The following NADK variants were observed in gnomAD, a reference collection of about 807,000 sequenced individuals.
NADK encodes the protein poly(P)/ATP NAD kinase.
A neutral mutation model predicts 49.8 loss-of-function variants in NADK; 22 were observed. The observed-to-expected ratio is 0.44, with a 90% CI of 0.32 to 0.63. The LOEUF (loss-of-function observed/expected upper bound fraction) is 0.63. Ranked by LOEUF, NADK falls within the 30% of genes least tolerant of loss-of-function variation. The probability of loss-of-function intolerance (pLI) is 0.06; values close to 1 mark genes in which losing one functional copy is unlikely to be tolerated. For missense variants in NADK, 438 were observed against 609.4 expected (o/e 0.72, Z 2.96); for synonymous variants, 268 against 253.7 (o/e 1.06, Z -0.54).
upstream of NADK, among the ~76,000 whole-genome samples, chr1:1,779,667 T>TTGTGTGTGTGTGTGTG (rs34618817): frequency 6.7e-6 from 1 of 148,598 alleles, no homozygotes; most frequent in African/African-American, 2.5e-5. Flanking sequence ...ATATATATAT[T>TTGTGTGTGTGTGTGTG]TGTGTGTGTG....
rs950252701 is a variant in NADK, at chr1:1,754,096, C to T, written c.1056G>A (p.Ser352=). Residue 352 remains serine (S), a synonymous_variant, in exon 10 of 12, where the codon TCG becomes TCA. Coordinates refer to ENST00000341426, the MANE Select transcript of NADK (RefSeq NM_023018.5). The surrounding 1 kb of genome is among the most constrained non-coding windows in gnomAD (Gnocchi z 4.3). ...GGACCACGATGGGCCGGAAGGACAG[C>T]GAGTGGGGGCAGATGGGCGTGATCA... ...AIMITPICPH[S]LSFRPIVVPA... 8 of 1,605,066 alleles carry T rather than the reference C, an allele frequency of 5.0e-6. No individual in the cohort carries two copies. The highest frequency in any genetic ancestry group is 1.3e-5 in the African/African-American group (1 of 74,532).
chr1:1,778,207 C>G lies in NADK; in HGVS notation c.-41+82G>C, dbSNP rs1473074931. ...GCAGGGCCGGCCTGGTGTCTCCCCG[C>G]CTGGCCGCGCGCTCGCGGGCAGCGA... On this transcript the variant is annotated intron_variant, in intron 1 of 11. Coordinates refer to ENST00000341426, the MANE Select transcript of NADK (RefSeq NM_023018.5). This position sits in a 1 kb window ranked among gnomAD's most constrained non-coding sequence, Gnocchi z 4.9. The G allele has an allele frequency of 2.0e-5, 3 of 152,244 alleles. No individual in the cohort carries two copies. The highest frequency in any genetic ancestry group is 4.4e-5 in the Non-Finnish European group (3 of 68,076). 9.4% of individuals were successfully genotyped at this position (152,244 alleles called of 1,614,324 possible).
intron 1 of NADK, among the ~76,000 whole-genome samples, chr1:1,768,049 T>G (rs1399485257): frequency 6.6e-6 from 1 of 151,568 alleles, no homozygotes; most frequent in Admixed American, 6.6e-5. Flanking sequence ...CGGGCGCCTG[T>G]AATCCTAGCT....
chr1:1,754,797 T>A lies in NADK; in HGVS notation c.689-99A>T. ...CAGTGGGAGTCAGAGGGCTCTTTCT[T>A]CTCCCAAGTTGACACACTTCTGTGC... On this transcript the variant is annotated intron_variant, in intron 7 of 11. Transcript: ENST00000341426. This position sits in a 1 kb window ranked among gnomAD's most constrained non-coding sequence, Gnocchi z 4.3. 1 of 1,131,338 alleles carries A rather than the reference T, an allele frequency of 8.8e-7. No individual in the cohort carries two copies. The highest frequency in any genetic ancestry group is 1.3e-6 in the Non-Finnish European group (1 of 797,292). 70.1% of individuals were successfully genotyped at this position (1,131,338 alleles called of 1,614,324 possible).
chr1:1,775,878 G>A (rs1646196258), intron 1 of NADK, among the ~76,000 whole-genome samples: 1 of 152,308 alleles, frequency 6.6e-6, no homozygotes, highest in Non-Finnish European at 1.5e-5. Context: ...AGCACAGAGA[G>A]TAGAAATGAA....
chr1:1,753,078 C>T lies in NADK; in HGVS notation c.1185-18G>A. The T allele has an allele frequency of 6.3e-7, 1 of 1,596,442 alleles. No homozygotes were observed. The highest frequency in any genetic ancestry group is 1.7e-5 in the Admixed American group (1 of 58,576). On this transcript the variant is annotated intron_variant, in intron 11 of 11. Transcript: ENST00000341426. ...TGCTGATGCTGGGACGGGAGAGCAG[C>T]AGCCTGAGCCAGGGCTTCCAGAAAG...
rs368298317 is a variant in NADK, at chr1:1,757,362, A to C, written c.264-52T>G. On this transcript the variant is annotated intron_variant, in intron 3 of 11. Transcript: ENST00000341426. ...ACCAGCTGCGATCTCCCTCTTGCGGAAAAGGTGTATGACTTAGAAAATAAA... is the reference window on the plus strand; with the variant it reads ...ACCAGCTGCGATCTCCCTCTTGCGGCAAAGGTGTATGACTTAGAAAATAAA... 670 of 1,471,110 alleles carry C rather than the reference A, an allele frequency of 4.6e-4. 3 individuals carry two copies. In the African/African-American group the frequency reaches 7.7e-3, roughly 17 times the overall value. The allele number at this position is 1,471,110 out of a possible 1,614,324, so 91.1% of individuals were successfully genotyped here. A position where few individuals can be genotyped will look rare whatever the true frequency, so the allele number is the denominator to read the frequency against.
At chr1:1,770,687 G>A (rs527791426) in intron 1 of NADK, among the ~76,000 whole-genome samples, 26 of 152,076 alleles carry the variant, frequency 1.7e-4, no homozygotes, top group Middle Eastern at 3.4e-3. Context: ...AGCGGAGATC[G>A]CACCACTGCA....
chr1:1,764,979 T>C (rs1302572417), intron 2 of NADK, among the ~76,000 whole-genome samples: 2 of 152,196 alleles, frequency 1.3e-5, no homozygotes, highest in Non-Finnish European at 2.9e-5. Flanking sequence ...GGTTCTGTGC[T>C]GATACAGACA....
At position 1,752,587 on chromosome 1, in the gene NADK, G is replaced by A. The variant is rs1177672994; in HGVS notation, c.*317C>T. Reference sequence around the variant, plus strand: ...ATTCTGACTCCTCTGAATTTCAACCGACTGATTTGCGGAAAAATATCCTGG... The same window carrying A: ...ATTCTGACTCCTCTGAATTTCAACCAACTGATTTGCGGAAAAATATCCTGG... On this transcript the variant is annotated 3_prime_UTR_variant, in exon 12 of 12. Coordinates refer to ENST00000341426, the MANE Select transcript of NADK (RefSeq NM_023018.5). 7.3e-6 allele frequency: 2 copies of A among 275,402 alleles called. No individual in the cohort carries two copies. Among genetic ancestry groups the A allele is most frequent in the Middle Eastern group, 1.1e-3 (1 of 944 alleles). The allele number at this position is 275,402 out of a possible 1,614,324, so 17.1% of individuals were successfully genotyped here.
At chr1:1,758,709 T>C in intron 3 of NADK, 1 of 1,362,788 alleles carries the variant, frequency 7.3e-7, no homozygotes, top group Non-Finnish European at 9.6e-7. Flanking sequence ...ATTGGTCACA[T>C]GGTCCTCCTG....
intron 2 of NADK, 38 bp downstream of exon 2, chr1:1,765,190 A>C: frequency 6.6e-7 from 1 of 1,518,620 alleles, no homozygotes; most frequent in Non-Finnish European, 8.9e-7. Flanking sequence ...ATGAAATCAG[A>C]CGAGAAAAAA....
intron 6 of NADK, among the ~76,000 whole-genome samples, chr1:1,755,828 G>A (rs561717021): frequency 1.9e-4 from 29 of 152,276 alleles, no homozygotes; most frequent in South Asian, 1.0e-3. Flanking sequence ...AAAGCAGGGC[G>A]GGCTGCGGGC....
In NADK at chr1:1,754,237, C is replaced by T. The variant is rs760815953; in HGVS notation, c.944-29G>A. On this transcript the variant is annotated intron_variant, in intron 9 of 11. Transcript: ENST00000341426. This position sits in a 1 kb window ranked among gnomAD's most constrained non-coding sequence, Gnocchi z 4.3. ...ACAGGGACAGGCGCAGGCGTCACTC[C>T]CGCCCGAGGGACGCTCAGGGCCCCA... 3 of 1,613,024 alleles carry T rather than the reference C, an allele frequency of 1.9e-6. No individual in the cohort carries two copies. Among genetic ancestry groups the T allele is most frequent in the South Asian group, 1.1e-5 (1 of 91,072 alleles).
Position 1,757,311 on chromosome 1 carries a change from C to T in NADK, c.264-1G>A, listed in dbSNP as rs1441715514. 1 of 1,612,608 alleles carries T rather than the reference C, an allele frequency of 6.2e-7. No homozygotes were observed. The highest frequency in any genetic ancestry group is 2.2e-5 in the East Asian group (1 of 44,858). ...CTGGCTCGCGGGGTCCTGAATGTGC[C>T]TTTAGGGGAGGAGAAAAGAGTTCAC... On this transcript the variant is annotated splice_acceptor_variant, in intron 3 of 11. Coordinates refer to ENST00000341426, the MANE Select transcript of NADK (RefSeq NM_023018.5). LOFTEE classifies it high-confidence loss of function.
intron 6 of NADK, among the ~76,000 whole-genome samples, chr1:1,755,810 T>C (rs921947336): frequency 2.6e-5 from 4 of 151,880 alleles, no homozygotes; most frequent in African/African-American, 9.7e-5. Context: ...AATGGGGAGA[T>C]GGGGAGAAAA....
At chr1:1,759,888 G>C (rs890529649) in intron 3 of NADK, 16 of 1,550,560 alleles carry the variant, frequency 1.0e-5, no homozygotes, top group African/African-American at 2.7e-5. Context: ...AGATGCGAGT[G>C]ACAAAGGAGT....
At chr1:1,765,152 CTTCATAATCGTTT>C in intron 2 of NADK, 63 bp downstream of exon 2, 2 of 1,402,942 alleles carry the variant, frequency 1.4e-6, no homozygotes, top group Non-Finnish European at 1.9e-6. Context: ...CAGGAGAATT[CTTCATAATCGTTT>C]TAAGAAAGAA....
rs537120154 is a variant in NADK at position 1,758,518 on chromosome 1, C to T, written c.264-1208G>A. The T allele has an allele frequency of 4.7e-5, 76 of 1,608,540 alleles. 1 individual carries two copies. Among genetic ancestry groups the T allele is most frequent in the South Asian group, 1.5e-4 (14 of 90,790 alleles). ...GCATCCAGGCCACGCTTGGCGAACA[C>T]GCGGCCGCCCCATCGGTATGGTCCT... is the stretch of plus-strand genomic sequence containing the variant. On this transcript the variant is annotated intron_variant, in intron 3 of 11. Transcript: ENST00000341426.
Sources: gnomAD v4.1 joint callset for allele counts (sites outside exome capture counted in the v4.1 genomes callset) on GRCh38, gnomAD v4.1.1 for gene constraint, Gnocchi (gnomAD v3.1) non-coding constraint, MANE v1.5 for transcripts, NCBI Gene and HGNC (gene_info 2026-07-23, HGNC 2026-07-21) for gene names.